The following IPCEF1 variants were observed in gnomAD, a reference collection of about 807,000 sequenced individuals.
IPCEF1 encodes interaction protein for cytohesin exchange factors 1, also known as interactor protein for cytohesin exchange factors 1.
A neutral mutation model predicts 50.9 loss-of-function variants in IPCEF1; 31 were observed. The observed-to-expected ratio is 0.61, with a 90% confidence interval of 0.46 to 0.82. IPCEF1 has a LOEUF of 0.82. Among genes scored for constraint, IPCEF1 ranks in the 40% least tolerant of loss-of-function variants. The probability of loss-of-function intolerance (pLI) is 0.00; values close to 1 mark genes in which losing one functional copy is unlikely to be tolerated. For synonymous variants in IPCEF1, 181 were observed against 192.0 expected, an observed-to-expected ratio of 0.94 and a Z score of 0.47; for missense variants, 458 against 514.0, an observed-to-expected ratio of 0.89 and a Z score of 1.05.
intron 4 of IPCEF1, 137 bp from the exon 5 acceptor site, chr6:154,246,897 TTATGCAAAGCC>T (rs1781086669): frequency 3.0e-6 from 3 of 987,928 alleles, no homozygotes; most frequent in Non-Finnish European, 4.1e-6. Context: ...TCACCAAGAT[TTATGCAAAGCC>T]TATGCAAAAC....
chr6:154,310,253 A>G (rs1583975254), intron 1 of IPCEF1, among the ~76,000 whole-genome samples: 1 of 152,336 alleles, frequency 6.6e-6, no homozygotes. Context: ...TATGATTGGC[A>G]AATAGATGCA....
At chr6:154,320,773 A>G (rs971716648) in intron 1 of IPCEF1, among the ~76,000 whole-genome samples, 3 of 152,080 alleles carry the variant, frequency 2.0e-5, no homozygotes, top group Non-Finnish European at 4.4e-5. Flanking sequence ...TTGGGAGACT[A>G]ATGTGGGAGG....
At chr6:154,328,972 G>C (rs1222481360) in intron 1 of IPCEF1, among the ~76,000 whole-genome samples, 2 of 152,060 alleles carry the variant, frequency 1.3e-5, no homozygotes, top group Non-Finnish European at 2.9e-5. Flanking sequence ...GTGCATTCAT[G>C]AATACCAAGA....
chr6:154,315,368 C>T (rs1437364769), intron 1 of IPCEF1, among the ~76,000 whole-genome samples: 2 of 152,112 alleles, frequency 1.3e-5, no homozygotes, highest in East Asian at 1.9e-4. Context: ...AAACAGGGTC[C>T]GTGAAGGCAA....
chr6:154,213,688 G>A (rs768824743), intron 8 of IPCEF1, among the ~76,000 whole-genome samples: 4 of 152,228 alleles, frequency 2.6e-5, no homozygotes, highest in Admixed American at 2.0e-4. Context: ...CAACACTAAG[G>A]TGTAATCACA....
At chr6:154,289,687 G>A (rs1435992624) in intron 2 of IPCEF1, 26 bp downstream of exon 2, 2 of 148,862 alleles carry the variant, frequency 1.3e-5, no homozygotes, top group African/African-American at 2.5e-5. Context: ...GAAAGAATTC[G>A]TTGCAAAGAA....
At chr6:154,334,814 G>T (rs1783754982) in intron 1 of IPCEF1, among the ~76,000 whole-genome samples, 1 of 152,106 alleles carries the variant, frequency 6.6e-6, no homozygotes, top group Non-Finnish European at 1.5e-5. Flanking sequence ...TATTTGTATT[G>T]TTGGAGCTCA....
intron 2 of IPCEF1, among the ~76,000 whole-genome samples, chr6:154,281,623 A>G (rs936590110): frequency 1.3e-5 from 2 of 152,140 alleles, no homozygotes; most frequent in African/African-American, 4.8e-5. Context: ...GCACTTTGGG[A>G]GGATGAGCCA....
intron 2 of IPCEF1, among the ~76,000 whole-genome samples, chr6:154,271,471 T>A (rs76649370): frequency 0.026 from 3,912 of 152,102 alleles, 174 homozygotes; most frequent in African/African-American, 0.089. Context: ...AGTTTACTTT[T>A]AAAAAAAATT....
chr6:154,212,024 T>C (rs1349085600), intron 9 of IPCEF1, among the ~76,000 whole-genome samples: 7 of 152,174 alleles, frequency 4.6e-5, no homozygotes, highest in Non-Finnish European at 1.5e-5. Flanking sequence ...AATTAAATCA[T>C]ACTACTTCCA....
At chr6:154,236,837 T>C (rs1780174712) in intron 5 of IPCEF1, among the ~76,000 whole-genome samples, 1 of 152,152 alleles carries the variant, frequency 6.6e-6, no homozygotes, top group African/African-American at 2.4e-5. Flanking sequence ...ATTGGGTGCG[T>C]TCTCTTTCAA....
intron 10 of IPCEF1, among the ~76,000 whole-genome samples, chr6:154,177,209 G>A (rs568536537): frequency 1.1e-4 from 16 of 152,128 alleles, no homozygotes; most frequent in African/African-American, 2.2e-4. Context: ...AGGCAATACC[G>A]TTCAGGACAT....
chr6:154,169,409 TG>T (rs1454921923), intron 10 of IPCEF1, among the ~76,000 whole-genome samples: 3 of 152,104 alleles, frequency 2.0e-5, no homozygotes, highest in Admixed American at 1.3e-4. Context: ...TGAAACTCAG[TG>T]GGGGAGTGAT....
chr6:154,254,817 C>G (rs1316326036), intron 3 of IPCEF1, among the ~76,000 whole-genome samples: 5 of 151,848 alleles, frequency 3.3e-5, no homozygotes, highest in African/African-American at 4.8e-5. Context: ...ATTATCTGTG[C>G]CTTTTCATAG....
At chr6:154,354,503 C>T (rs1040060895) in intron 1 of IPCEF1, among the ~76,000 whole-genome samples, 2 of 151,486 alleles carry the variant, frequency 1.3e-5, no homozygotes, top group Middle Eastern at 3.4e-3. Context: ...GTCACTTCCA[C>T]CATCACCTCT....
At chr6:154,322,281 C>A (rs998212362) in intron 1 of IPCEF1, among the ~76,000 whole-genome samples, 8 of 152,096 alleles carry the variant, frequency 5.3e-5, no homozygotes, top group Admixed American at 5.2e-4. Flanking sequence ...TTTTGGGAGG[C>A]TGAGGCAGGA....
intron 3 of IPCEF1, among the ~76,000 whole-genome samples, chr6:154,261,332 G>T (rs1458956396): frequency 1.3e-5 from 2 of 152,156 alleles, no homozygotes; most frequent in African/African-American, 4.8e-5. Context: ...CGGCCTTAAA[G>T]TATGAAGTTT....
intron 10 of IPCEF1, among the ~76,000 whole-genome samples, chr6:154,185,871 A>G (rs539721655): frequency 6.6e-6 from 1 of 152,374 alleles, no homozygotes; most frequent in South Asian, 2.1e-4. Flanking sequence ...CACAAGTTGG[A>G]TAAGCTTGTT....
intron 1 of IPCEF1, among the ~76,000 whole-genome samples, chr6:154,346,512 TG>T (rs1784032317): frequency 6.6e-6 from 1 of 152,194 alleles, no homozygotes; most frequent in African/African-American, 2.4e-5. Context: ...TTAGAAAGAA[TG>T]GATGGACTAT....
Sources: allele counts gnomAD v4.1 joint callset (sites outside exome capture counted in the v4.1 genomes callset), GRCh38; gene constraint gnomAD v4.1.1; transcripts MANE v1.5; gene names NCBI Gene and HGNC (gene_info 2026-07-23, HGNC 2026-07-21).